VAV1: variants seen among roughly 807,000 people sequenced by gnomAD.
VAV1 encodes proto-oncogene vav.
Under a neutral mutation model 128.1 loss-of-function variants are expected in VAV1, and 33 were observed. The observed-to-expected ratio is 0.26, with a 90% CI of 0.20 to 0.34. VAV1 has a LOEUF of 0.34. VAV1 is among the 10% of genes least tolerant of loss of function. The probability of loss-of-function intolerance (pLI) is 1.00; values close to 1 mark genes in which losing one functional copy is unlikely to be tolerated. For synonymous variants in VAV1, 394 were observed against 409.8 expected (o/e 0.96, Z 0.47); for missense variants, 715 against 1,093.7 (o/e 0.65, Z 4.88).
At chr19:6,827,057 A>G in intron 9 of VAV1, 1 of 260,672 alleles carries the variant, frequency 3.8e-6, no homozygotes, top group Non-Finnish European at 7.6e-6. Context: ...ATTCCAACCA[A>G]CCCCTGATCC....
intron 24 of VAV1, 61 bp downstream of exon 24, chr19:6,850,818 C>T (rs1568319452): frequency 6.4e-7 from 1 of 1,566,188 alleles, no homozygotes; most frequent in South Asian, 1.1e-5. Flanking sequence ...CTCCCTGCAC[C>T]TCCGCCTTGG....
Position 6,848,023 on chromosome 19 carries a change from G to A in VAV1, c.2038G>A (p.Gly680Arg). The A allele has an allele frequency of 6.5e-7, 1 of 1,531,116 alleles. No homozygotes were observed. The highest frequency in any genetic ancestry group is 8.7e-7 in the Non-Finnish European group (1 of 1,147,232). The allele number at this position is 1,531,116 out of a possible 1,614,324, so 94.8% of individuals were successfully genotyped here. A position where few individuals can be genotyped will look rare whatever the true frequency, so the allele number is the denominator to read the frequency against. ...GTACGCAGGCCCCATGGAGCGGGCA[G>A]GGGCAGAGAGCATCCTGGCCAACCG... The part of the protein sequence containing the change: ...LWYAGPMERA[G>R]AESILANRSD... The change falls in exon 23 of 27, where the codon GGG (glycine) becomes AGG (arginine). Residue 680 changes from glycine to arginine, a missense_variant. By Grantham distance (125) the Gly-to-Arg change is moderately radical. This residue lies in a region of VAV1 where 407 missense variants were observed against 580.6 expected (regional missense o/e 0.70). Coordinates refer to ENST00000602142, the MANE Select transcript of VAV1 (RefSeq NM_005428.4).
At chr19:6,854,327 A>G (rs748372205) in intron 26 of VAV1, among the ~76,000 whole-genome samples, 2 of 152,216 alleles carry the variant, frequency 1.3e-5, no homozygotes, top group Non-Finnish European at 1.5e-5. Context: ...GGAGACAGAA[A>G]CAAGCACGGT....
At chr19:6,843,320 G>A (rs1323123357) in intron 22 of VAV1, among the ~76,000 whole-genome samples, 154 bp downstream of exon 22, 1 of 152,146 alleles carries the variant, frequency 6.6e-6, no homozygotes, top group Non-Finnish European at 1.5e-5. Context: ...GGCTGCTGGG[G>A]ATGGGACAGA....
At chr19:6,850,898 T>C (rs1019495085) in intron 24 of VAV1, 141 bp downstream of exon 24, 10 of 672,874 alleles carry the variant, frequency 1.5e-5, no homozygotes, top group East Asian at 2.8e-5. Flanking sequence ...CTTAAACTTA[T>C]GCTCTTAATG....
chr19:6,841,257 A>G (rs1972370433), intron 21 of VAV1, among the ~76,000 whole-genome samples: 1 of 151,960 alleles, frequency 6.6e-6, no homozygotes, highest in African/African-American at 2.4e-5. Flanking sequence ...GTATGCATAT[A>G]CCATGTTTTG....
intron 1 of VAV1, among the ~76,000 whole-genome samples, chr19:6,819,461 A>G (rs1971735764): frequency 6.6e-6 from 1 of 152,238 alleles, no homozygotes; most frequent in Non-Finnish European, 1.5e-5. Context: ...AGAATTGTAC[A>G]ATACATGGCA....
At chr19:6,854,413 G>T (rs1972744974) in intron 26 of VAV1, among the ~76,000 whole-genome samples, 1 of 152,030 alleles carries the variant, frequency 6.6e-6, no homozygotes, top group Non-Finnish European at 1.5e-5. Flanking sequence ...GACACTGAGT[G>T]GTCAAGACTA....
At chr19:6,782,341 T>C (rs1970784427) in intron 1 of VAV1, among the ~76,000 whole-genome samples, 1 of 150,836 alleles carries the variant, frequency 6.6e-6, no homozygotes, top group Non-Finnish European at 1.5e-5. Context: ...AATAAATAAA[T>C]AAATAAATAA....
At chr19:6,823,224 C>T (rs1971839970) in intron 6 of VAV1, among the ~76,000 whole-genome samples, 2 of 150,110 alleles carry the variant, frequency 1.3e-5, no homozygotes, top group Non-Finnish European at 3.0e-5. Flanking sequence ...CTACCGGGCT[C>T]AAGCAATCCT....
chr19:6,807,761 G>A lies in VAV1; in HGVS notation c.205-12941G>A, dbSNP rs529451253. On this transcript the variant is annotated intron_variant, in intron 1 of 26. Coordinates refer to ENST00000602142, the MANE Select transcript of VAV1 (RefSeq NM_005428.4). Reference sequence around the variant, plus strand: ...TAATCCCAGCACTTTGGGAGGCCAAGGTGGGCAGATCATGAGGTCAGGAGT... The same window carrying A: ...TAATCCCAGCACTTTGGGAGGCCAAAGTGGGCAGATCATGAGGTCAGGAGT... Among the ~76,000 whole-genome samples the A allele has an allele frequency of 7.0e-4, 106 of 152,018 alleles. 1 individual carries two copies. The highest frequency in any genetic ancestry group is 7.4e-5 in the Non-Finnish European group (5 of 67,976).
In VAV1 at chr19:6,833,508, A is replaced by T. The variant is rs1008023092; in HGVS notation, c.1611-20A>T. The T allele has an allele frequency of 6.3e-7, 1 of 1,579,218 alleles. No homozygotes were observed. The highest frequency in any genetic ancestry group is 8.6e-7 in the Non-Finnish European group (1 of 1,162,976). On this transcript the variant is annotated intron_variant, in intron 16 of 26. Coordinates refer to ENST00000602142, the MANE Select transcript of VAV1 (RefSeq NM_005428.4). ...CTGTAAAGGTCACTCGCTCTTCTTT[A>T]TGTGTTCCCTGCATCTCAGAGGTAC...
Position 6,772,749 on chromosome 19 carries a change from G to C in VAV1, c.-59G>C, listed in dbSNP as rs535098859. On this transcript the variant is annotated 5_prime_UTR_variant, in exon 1 of 27. Coordinates refer to ENST00000602142, the MANE Select transcript of VAV1 (RefSeq NM_005428.4). This position sits in a 1 kb window ranked among gnomAD's most constrained non-coding sequence, Gnocchi z 4.8. Reference sequence around the variant, plus strand: ...CCACAGGCGAGCAGGGCAGGCGTGCGGGCGGGTGGGTGGTGGAGGCTGCGA... The same window carrying C: ...CCACAGGCGAGCAGGGCAGGCGTGCCGGCGGGTGGGTGGTGGAGGCTGCGA... 1.3e-6 allele frequency: 2 copies of C among 1,558,082 alleles called. No individual in the cohort carries two copies. The highest frequency in any genetic ancestry group is 1.2e-5 in the South Asian group (1 of 85,502).
At chr19:6,773,495 AC>A (rs1970549293) in intron 1 of VAV1, among the ~76,000 whole-genome samples, 2 of 151,680 alleles carry the variant, frequency 1.3e-5, no homozygotes. Flanking sequence ...CCTTCCCCTT[AC>A]ATCTTCCTTC....
rs144153515 is a variant in VAV1 at position 6,819,825 on chromosome 19, T to G, written c.205-877T>G. 4.2e-4 allele frequency among the ~76,000 whole-genome samples: 64 copies of G among 152,312 alleles called. 1 individual carries two copies. The highest frequency in any genetic ancestry group is 1.5e-3 in the African/African-American group (61 of 41,574). On this transcript the variant is annotated intron_variant, in intron 1 of 26. Transcript: ENST00000602142. ...AGAGAGTGCTGAACCTGTTGGGACGTTGGATGAGCCAATACTTGGCAAATG... is the reference window on the plus strand; with the variant it reads ...AGAGAGTGCTGAACCTGTTGGGACGGTGGATGAGCCAATACTTGGCAAATG...
At chr19:6,842,989 C>T (rs1367196407) in intron 21 of VAV1, 146 bp from the exon 22 acceptor site, 16 of 817,844 alleles carry the variant, frequency 2.0e-5, no homozygotes, top group Non-Finnish European at 2.8e-5. Flanking sequence ...ACTTTATCCC[C>T]AGTGAGTACC....
At chr19:6,778,932 A>G (rs976992735) in intron 1 of VAV1, among the ~76,000 whole-genome samples, 1 of 146,398 alleles carries the variant, frequency 6.8e-6, no homozygotes, top group African/African-American at 2.6e-5. Context: ...GCTGGAGTGC[A>G]GTGGTATGAT....
At chr19:6,831,793 T>G (rs1362175167) in intron 14 of VAV1, among the ~76,000 whole-genome samples, 1 of 152,090 alleles carries the variant, frequency 6.6e-6, no homozygotes, top group African/African-American at 2.4e-5. Flanking sequence ...AATGCTTTGT[T>G]GAACAGAAAA....
intron 1 of VAV1, among the ~76,000 whole-genome samples, chr19:6,801,761 C>T (rs926444624): frequency 6.6e-6 from 1 of 152,236 alleles, no homozygotes; most frequent in East Asian, 1.9e-4. Context: ...TCTCCCAGAC[C>T]CCAGAGGCCT....
Sources: allele counts gnomAD v4.1 joint callset (sites outside exome capture counted in the v4.1 genomes callset), GRCh38; gene constraint gnomAD v4.1.1; regional missense constraint gnomAD v4.1.1; non-coding constraint Gnocchi (gnomAD v3.1); transcripts MANE v1.5; gene names NCBI Gene and HGNC (gene_info 2026-07-23, HGNC 2026-07-21).